PTPRN2: variants seen among roughly 807,000 people sequenced by gnomAD.
PTPRN2 encodes receptor-type tyrosine-protein phosphatase N2.
A neutral mutation model predicts 118.8 loss-of-function variants in PTPRN2; 74 were observed. The observed-to-expected ratio is 0.62, with a 90% CI of 0.52 to 0.76. PTPRN2 has a LOEUF of 0.76. PTPRN2 is among the 30% of genes least tolerant of loss of function. PTPRN2 has a pLI of 0.00. For missense variants in PTPRN2, 1,481 were observed against 1,394.4 expected, an observed-to-expected ratio of 1.06 and a Z score of -0.99; for synonymous variants, 641 against 608.0, an observed-to-expected ratio of 1.05 and a Z score of -0.80.
chr7:158,549,882 G>A (rs899102162), intron 1 of PTPRN2, among the ~76,000 whole-genome samples: 6 of 152,230 alleles, frequency 3.9e-5, no homozygotes, highest in Non-Finnish European at 8.8e-5. Context: ...GTTTAGAAAT[G>A]ACTTGGGTTG....
At chr7:158,143,016 A>C (rs534724508) in intron 6 of PTPRN2, among the ~76,000 whole-genome samples, 1 of 152,152 alleles carries the variant, frequency 6.6e-6, no homozygotes, top group East Asian at 1.9e-4. Flanking sequence ...CTCGCAACCG[A>C]GCCACCGAGC....
At chr7:157,962,626 C>G (rs1007878655) in intron 11 of PTPRN2, among the ~76,000 whole-genome samples, 1 of 152,204 alleles carries the variant, frequency 6.6e-6, no homozygotes, top group African/African-American at 2.4e-5. Context: ...TCAGGTGCAG[C>G]CTGCACATGG....
At chr7:158,176,948 T>C (rs1247584446) in intron 5 of PTPRN2, among the ~76,000 whole-genome samples, 1 of 152,198 alleles carries the variant, frequency 6.6e-6, no homozygotes, top group African/African-American at 2.4e-5. Context: ...GTGCTATCTC[T>C]GCACAATCTC....
rs983639873 is a variant in PTPRN2, at chr7:157,627,408, A to T, written c.2197-5899T>A. Among the ~76,000 whole-genome samples the T allele has an allele frequency of 6.6e-6, 1 of 152,226 alleles. No homozygotes were observed. Among genetic ancestry groups the T allele is most frequent in the Non-Finnish European group, 1.5e-5 (1 of 68,040 alleles). On this transcript the variant is annotated intron_variant, in intron 14 of 22. Coordinates refer to ENST00000389418, the MANE Select transcript of PTPRN2 (RefSeq NM_002847.5). The surrounding 1 kb of genome is among the most constrained non-coding windows in gnomAD (Gnocchi z 4.2). ...TGCTCACATCAGGAAATCCATGAAG[A>T]GTGAAAACAGGGAGCGAAGAATTGG...
intron 1 of PTPRN2, among the ~76,000 whole-genome samples, chr7:158,505,733 T>C (rs1269406555): frequency 1.0e-5 from 1 of 98,258 alleles, no homozygotes; most frequent in Non-Finnish European, 2.1e-5. Context: ...GGGAGGGGGG[T>C]GGGGTGACCT....
At chr7:158,552,749 A>G (rs958823070) in intron 1 of PTPRN2, among the ~76,000 whole-genome samples, 1 of 152,224 alleles carries the variant, frequency 6.6e-6, no homozygotes, top group Admixed American at 6.5e-5. Context: ...GCATGGCCCG[A>G]TACTTTCATA....
intron 3 of PTPRN2, among the ~76,000 whole-genome samples, chr7:158,251,640 CACAT>C (rs1300142517): frequency 2.5e-5 from 3 of 119,864 alleles, no homozygotes; most frequent in Non-Finnish European, 5.2e-5. Context: ...GTCTATGGTG[CACAT>C]GTGGTGTGCA....
At position 158,388,304 on chromosome 7, in the gene PTPRN2, C is replaced by T. The variant is rs376455568; in HGVS notation, c.164-71372G>A. On this transcript the variant is annotated intron_variant, in intron 2 of 22. Coordinates refer to ENST00000389418, the MANE Select transcript of PTPRN2 (RefSeq NM_002847.5). ...GGTCCCAGAATTCACAGCTTCTGGG[C>T]TCGGTCCCGCAAGACCACCCCCCCA... is the stretch of plus-strand genomic sequence containing the variant. Among the ~76,000 whole-genome samples, 46 of 152,314 alleles carry T rather than the reference C, an allele frequency of 3.0e-4. No homozygotes were observed. The East Asian group carries it at 8.7e-3, about 29-fold the overall frequency.
At chr7:158,399,276 G>A (rs900450627) in intron 2 of PTPRN2, among the ~76,000 whole-genome samples, 2 of 152,224 alleles carry the variant, frequency 1.3e-5, no homozygotes, top group Admixed American at 6.5e-5. Context: ...GTGGGTGTCA[G>A]TATAGGAGAC....
chr7:158,208,590 C>G (rs1008339077), intron 3 of PTPRN2, among the ~76,000 whole-genome samples: 11 of 152,042 alleles, frequency 7.2e-5, no homozygotes, highest in African/African-American at 2.7e-4. Context: ...AAATACTTTC[C>G]CAGACAAACA....
intron 1 of PTPRN2, among the ~76,000 whole-genome samples, chr7:158,501,294 A>G (rs1822340354): frequency 6.6e-6 from 1 of 152,194 alleles, no homozygotes; most frequent in South Asian, 2.1e-4. Flanking sequence ...CCGGGGCTAC[A>G]GCCAAGCAAA....
chr7:157,758,522 G>T (rs1801942571), intron 12 of PTPRN2, among the ~76,000 whole-genome samples: 1 of 152,262 alleles, frequency 6.6e-6, no homozygotes, highest in African/African-American at 2.4e-5. Flanking sequence ...CTTTGCACAA[G>T]GTTTGGGAGG....
intron 12 of PTPRN2, among the ~76,000 whole-genome samples, chr7:157,810,676 ACGGGGACGGCGGGACTTC>A: frequency 8.7e-6 from 1 of 114,832 alleles, no homozygotes; most frequent in African/African-American, 3.6e-5. Flanking sequence ...TGGGCTCTTC[ACGGGGACGGCGGGACTTC>A]TGGGGGCTGG....
intron 13 of PTPRN2, among the ~76,000 whole-genome samples, chr7:157,678,907 C>T (rs1277343247): frequency 1.3e-5 from 2 of 151,972 alleles, no homozygotes; most frequent in African/African-American, 4.8e-5. Flanking sequence ...AAAGAGACTC[C>T]GAGAGAAAAG....
chr7:157,662,369 AG>A (rs1275622009), intron 13 of PTPRN2, among the ~76,000 whole-genome samples: 1 of 152,226 alleles, frequency 6.6e-6, no homozygotes, highest in Non-Finnish European at 1.5e-5. Flanking sequence ...ACAGGGTGCC[AG>A]GAACACCAGG....
At chr7:158,387,574 C>CGGAAGCACTCTCTGGG (rs1811559794) in intron 2 of PTPRN2, among the ~76,000 whole-genome samples, 1 of 152,084 alleles carries the variant, frequency 6.6e-6, no homozygotes, top group Non-Finnish European at 1.5e-5. Context: ...TCCCTGTCAG[C>CGGAAGCACTCTCTGGG]TCAGCTTGGC....
intron 12 of PTPRN2, among the ~76,000 whole-genome samples, chr7:157,878,213 C>T (rs1307745367): frequency 3.9e-5 from 6 of 152,252 alleles, no homozygotes; most frequent in African/African-American, 4.8e-5. Flanking sequence ...CAGGGATCCC[C>T]GTGCTGGGCC....
intron 1 of PTPRN2, among the ~76,000 whole-genome samples, chr7:158,557,593 C>G (rs1427644079): frequency 6.6e-6 from 1 of 152,250 alleles, no homozygotes; most frequent in Admixed American, 6.5e-5. Context: ...TCACCTCTCT[C>G]TCTGAAGAGC....
chr7:158,346,252 G>T (rs1807504595), intron 2 of PTPRN2, among the ~76,000 whole-genome samples: 1 of 152,052 alleles, frequency 6.6e-6, no homozygotes, highest in Non-Finnish European at 1.5e-5. Flanking sequence ...TCAAAAAATT[G>T]CCCCTGAGAT....
Sources: allele counts gnomAD v4.1 joint callset (sites outside exome capture counted in the v4.1 genomes callset), GRCh38; gene constraint gnomAD v4.1.1; non-coding constraint Gnocchi (gnomAD v3.1); transcripts MANE v1.5; gene names NCBI Gene and HGNC (gene_info 2026-07-23, HGNC 2026-07-21).